EDIL3: variants seen among roughly 807,000 people sequenced by gnomAD.
The protein encoded by EDIL3 is EGF-like repeat and discoidin I-like domain-containing protein 3.
EDIL3 carries 37 observed loss-of-function variants against 67.4 expected under a neutral mutation model. The observed-to-expected ratio is 0.55, with a 90% CI of 0.42 to 0.72. The LOEUF (loss-of-function observed/expected upper bound fraction) is 0.72. EDIL3 is among the 30% of genes least tolerant of loss of function. The pLI is 0.00. For synonymous variants in EDIL3, 195 were observed against 196.3 expected (o/e 0.99, Z 0.05); for missense variants, 527 against 586.3 (o/e 0.90, Z 1.04).
intron 9 of EDIL3, among the ~76,000 whole-genome samples, chr5:84,049,491 T>C (rs114978397): frequency 1.3e-5 from 2 of 152,196 alleles, no homozygotes; most frequent in Non-Finnish European, 2.9e-5. Context: ...AAACTACCTA[T>C]GGAAGCTAAT....
At chr5:84,346,172 G>T (rs2112183218) in intron 1 of EDIL3, among the ~76,000 whole-genome samples, 1 of 116,180 alleles carries the variant, frequency 8.6e-6, no homozygotes, top group East Asian at 2.4e-4. Flanking sequence ...GTCTCGCTCT[G>T]TCTCCCAGGC....
chr5:84,375,447 G>A (rs1369050598), intron 1 of EDIL3, among the ~76,000 whole-genome samples: 1 of 152,228 alleles, frequency 6.6e-6, no homozygotes, highest in African/African-American at 2.4e-5. Context: ...TGTGGTTTGA[G>A]ATTATTTGGT....
chr5:84,075,190 G>T (rs1355529230), intron 6 of EDIL3, among the ~76,000 whole-genome samples: 1 of 151,154 alleles, frequency 6.6e-6, no homozygotes, highest in Non-Finnish European at 1.5e-5. Flanking sequence ...CACACTCTGG[G>T]TACTGTTGTG....
rs1561419844 is a variant in EDIL3 at position 84,064,600 on chromosome 5, T to C, written c.952+100A>G. On this transcript the variant is annotated intron_variant, in intron 8 of 10. Coordinates refer to ENST00000296591, the MANE Select transcript of EDIL3 (RefSeq NM_005711.5). ...TAGACATTTTTCCCCAGAAAAAAAT[T>C]TCTATGGTTGTTGAATTTGTAGGTT... The C allele has an allele frequency of 5.6e-6, 8 of 1,418,858 alleles. No homozygotes were observed. The East Asian group carries it at 2.0e-4, about 36-fold the overall frequency. 87.9% of individuals were successfully genotyped at this position (1,418,858 alleles called of 1,614,324 possible).
intron 9 of EDIL3, among the ~76,000 whole-genome samples, chr5:84,003,074 A>G (rs1439214835): frequency 6.6e-6 from 1 of 152,152 alleles, no homozygotes; most frequent in Non-Finnish European, 1.5e-5. Flanking sequence ...CAGGCTTGGG[A>G]AGAAACAAAA....
intron 9 of EDIL3, among the ~76,000 whole-genome samples, chr5:84,031,180 A>G (rs1446849352): frequency 6.6e-6 from 1 of 152,202 alleles, no homozygotes; most frequent in Non-Finnish European, 1.5e-5. Context: ...CTATCTCCAA[A>G]TATAATCACA....
At chr5:84,143,301 A>C (rs987017174) in intron 4 of EDIL3, among the ~76,000 whole-genome samples, 5 of 147,856 alleles carry the variant, frequency 3.4e-5, no homozygotes, top group African/African-American at 1.0e-4. Context: ...ATTACTAGTA[A>C]TTCATTTTAA....
chr5:83,991,863 G>A lies in EDIL3; in HGVS notation c.1138-28503C>T, dbSNP rs1004570557. Among the ~76,000 whole-genome samples, 4 of 152,140 alleles carry A rather than the reference G, an allele frequency of 2.6e-5. No homozygotes were observed. In the East Asian group the frequency reaches 7.7e-4, roughly 29 times the overall value. On this transcript the variant is annotated intron_variant, in intron 9 of 10. Coordinates refer to ENST00000296591, the MANE Select transcript of EDIL3 (RefSeq NM_005711.5). ...CTCCCTAAAGCTCCCCTGGCAGAAT[G>A]TGAATATACTCAGATCCTCTGTCTT...
At chr5:84,262,659 G>GTTTTTTTTTTTTTTTTTTTTTTTTGTT (rs1745251781) in intron 1 of EDIL3, among the ~76,000 whole-genome samples, 1 of 46,310 alleles carries the variant, frequency 2.2e-5, no homozygotes, top group Admixed American at 4.4e-4. Flanking sequence ...AGGTTGGTTG[G>GTTTTTTTTTTTTTTTTTTTTTTTTGTT]TTTTTTTTTT....
intron 3 of EDIL3, among the ~76,000 whole-genome samples, chr5:84,196,251 T>C (rs924849977): frequency 2.0e-5 from 3 of 152,022 alleles, no homozygotes; most frequent in African/African-American, 7.2e-5. Flanking sequence ...AACATGTCAA[T>C]CAGGCTTCTG....
intron 4 of EDIL3, among the ~76,000 whole-genome samples, chr5:84,164,542 G>T (rs1748670962): frequency 6.6e-6 from 1 of 151,962 alleles, no homozygotes; most frequent in African/African-American, 2.4e-5. Flanking sequence ...AACCCCAACT[G>T]GTCAAGTTCA....
chr5:84,056,482 T>C (rs970682999), intron 9 of EDIL3, among the ~76,000 whole-genome samples: 1 of 151,204 alleles, frequency 6.6e-6, no homozygotes, highest in Admixed American at 6.6e-5. Context: ...TAAAAAAATA[T>C]AAAGAATGTT....
chr5:84,348,981 A>C (rs1467639711), intron 1 of EDIL3, among the ~76,000 whole-genome samples: 2 of 152,208 alleles, frequency 1.3e-5, no homozygotes, highest in Admixed American at 1.3e-4. Context: ...CCTACTTAAG[A>C]TACCTAACAG....
At chr5:84,135,384 T>C (rs1748073065) in intron 5 of EDIL3, among the ~76,000 whole-genome samples, 1 of 152,212 alleles carries the variant, frequency 6.6e-6, no homozygotes, top group South Asian at 2.1e-4. Flanking sequence ...CCGAAGTTCC[T>C]TCCTGGAAGG....
chr5:83,996,630 A>C (rs370371949), intron 9 of EDIL3, among the ~76,000 whole-genome samples: 11 of 152,200 alleles, frequency 7.2e-5, no homozygotes, highest in African/African-American at 2.7e-4. Flanking sequence ...TCATCAGTCC[A>C]TTAGTCAGAG....
intron 4 of EDIL3, among the ~76,000 whole-genome samples, chr5:84,178,755 T>C (rs1199418050): frequency 6.6e-6 from 1 of 152,164 alleles, no homozygotes; most frequent in Non-Finnish European, 1.5e-5. Flanking sequence ...CTGTTTTCTG[T>C]TGCTTCTAAT....
intron 1 of EDIL3, among the ~76,000 whole-genome samples, chr5:84,256,839 T>C (rs1298983088): frequency 1.3e-5 from 2 of 152,164 alleles, no homozygotes; most frequent in East Asian, 3.9e-4. Flanking sequence ...ATGAAGATTC[T>C]CTTGACCCTT....
chr5:84,225,001 T>C (rs1378104145), intron 3 of EDIL3, among the ~76,000 whole-genome samples: 1 of 151,552 alleles, frequency 6.6e-6, no homozygotes, highest in African/African-American at 2.4e-5. Context: ...AGTTCATTGA[T>C]GTGTTTTTAT....
chr5:83,952,687 T>C (rs989579150), intron 10 of EDIL3, among the ~76,000 whole-genome samples: 1 of 151,866 alleles, frequency 6.6e-6, no homozygotes, highest in Non-Finnish European at 1.5e-5. Flanking sequence ...AACTCTCATC[T>C]GAAATCACAC....
Sources: allele counts gnomAD v4.1 joint callset (sites outside exome capture counted in the v4.1 genomes callset), GRCh38; gene constraint gnomAD v4.1.1; transcripts MANE v1.5; gene names NCBI Gene and HGNC (gene_info 2026-07-23, HGNC 2026-07-21).